Variants in CAPSL observed in about 807,000 individuals in gnomAD.
CAPSL encodes the protein calcyphosine like.
A neutral mutation model predicts 21.3 loss-of-function variants in CAPSL; 17 were observed. The observed-to-expected ratio is 0.80, with a 90% CI of 0.55 to 1.20. The LOEUF is 1.20. CAPSL is among the 50% of genes most tolerant of loss of function. The pLI, the probability that CAPSL is intolerant of heterozygous loss-of-function variation, is 0.00. For missense variants in CAPSL, 289 were observed against 259.3 expected (o/e 1.11, Z -0.79); for synonymous variants, 102 against 89.3 (o/e 1.14, Z -0.80).
intron 1 of CAPSL, among the ~76,000 whole-genome samples, chr5:35,930,122 G>A (rs148338085): frequency 5.9e-5 from 9 of 152,184 alleles, no homozygotes; most frequent in African/African-American, 1.9e-4. Flanking sequence ...CATAAAGTAT[G>A]ACGGCATTTC....
intron 1 of CAPSL, among the ~76,000 whole-genome samples, chr5:35,934,827 A>C (rs1580899369): frequency 6.6e-6 from 1 of 152,146 alleles, no homozygotes; most frequent in South Asian, 2.1e-4. Context: ...GTCCTTCATT[A>C]AACTCTTTTC....
intron 1 of CAPSL, among the ~76,000 whole-genome samples, chr5:35,934,012 G>T (rs1311182125): frequency 6.6e-6 from 1 of 152,192 alleles, no homozygotes; most frequent in Non-Finnish European, 1.5e-5. Context: ...CATTTCTACA[G>T]TTCAGTGTCT....
chr5:35,904,540 T>C lies in CAPSL; in HGVS notation c.*5A>G, dbSNP rs1467260219. 2 of 1,610,506 alleles carry C rather than the reference T, an allele frequency of 1.2e-6. No homozygotes were observed. Among genetic ancestry groups the C allele is most frequent in the Non-Finnish European group, 1.7e-6 (2 of 1,177,120 alleles). ...GTCCCAGGGCCTGGTCCCCAGGTCA[T>C]GTGCTTAAAGCTTCCAGGCGGTTCT... On this transcript the variant is annotated 3_prime_UTR_variant, in exon 5 of 5. Coordinates refer to ENST00000651391, the MANE Select transcript of CAPSL (RefSeq NM_001042625.2).
At chr5:35,918,825 T>G (rs969808287) in intron 2 of CAPSL, among the ~76,000 whole-genome samples, 2 of 151,950 alleles carry the variant, frequency 1.3e-5, no homozygotes, top group African/African-American at 4.8e-5. Context: ...ACTGAAAACT[T>G]AGGAGCAAAG....
intron 2 of CAPSL, among the ~76,000 whole-genome samples, chr5:35,917,536 A>C (rs1580886412): frequency 6.6e-6 from 1 of 152,200 alleles, no homozygotes; most frequent in Non-Finnish European, 1.5e-5. Flanking sequence ...CTATGCAGCC[A>C]TAAAAAATGA....
rs369336984 is a variant in CAPSL at position 35,910,728 on chromosome 5, A to T, written c.138-185T>A. Among the ~76,000 whole-genome samples, 4 of 152,234 alleles carry T rather than the reference A, an allele frequency of 2.6e-5. No individual in the cohort carries two copies. In the East Asian group the frequency reaches 5.8e-4, roughly 22 times the overall value. On this transcript the variant is annotated intron_variant, in intron 2 of 4. Coordinates refer to ENST00000651391, the MANE Select transcript of CAPSL (RefSeq NM_001042625.2). The stretch of plus-strand genomic sequence containing the variant: ...CCACCACACACACACAAACACACAC[A>T]CAAAGTATAATTCTAATTACATGAC...
At chr5:35,919,032 C>T (rs967731301) in intron 2 of CAPSL, among the ~76,000 whole-genome samples, 7 of 151,224 alleles carry the variant, frequency 4.6e-5, no homozygotes, top group Admixed American at 2.0e-4. Flanking sequence ...CTGTTAAAAC[C>T]GTAGGGGCTG....
intron 2 of CAPSL, among the ~76,000 whole-genome samples, chr5:35,915,347 C>T (rs946287084): frequency 6.6e-6 from 1 of 152,170 alleles, no homozygotes; most frequent in Non-Finnish European, 1.5e-5. Context: ...GCAATCCTCC[C>T]TAATTTATTT....
intron 2 of CAPSL, among the ~76,000 whole-genome samples, chr5:35,914,929 TTTGAAAAGA>T (rs1738332561): frequency 6.6e-6 from 1 of 152,134 alleles, no homozygotes; most frequent in Non-Finnish European, 1.5e-5. Context: ...GAGCTGGTTA[TTTGAAAAGA>T]TCAACAAAAT....
chr5:35,926,565 A>T (rs1331300318), intron 1 of CAPSL, among the ~76,000 whole-genome samples: 2 of 152,204 alleles, frequency 1.3e-5, no homozygotes, highest in Non-Finnish European at 2.9e-5. Flanking sequence ...TAAGGTTCAG[A>T]GACAGATTTA....
intron 1 of CAPSL, among the ~76,000 whole-genome samples, chr5:35,933,484 A>C (rs1272104664): frequency 6.6e-6 from 1 of 152,164 alleles, no homozygotes; most frequent in African/African-American, 2.4e-5. Context: ...TAAATTATCC[A>C]CAACATCTCA....
intron 1 of CAPSL, among the ~76,000 whole-genome samples, chr5:35,923,954 C>T (rs1250772055): frequency 1.3e-5 from 2 of 151,954 alleles, no homozygotes; most frequent in Non-Finnish European, 2.9e-5. Context: ...AGTCATTCCA[C>T]AATTATACAT....
intron 1 of CAPSL, among the ~76,000 whole-genome samples, chr5:35,928,355 G>T (rs1343048939): frequency 6.6e-6 from 1 of 152,168 alleles, no homozygotes; most frequent in Admixed American, 6.5e-5. Flanking sequence ...CTAGCAGGCG[G>T]CTAGGAAGTG....
At chr5:35,914,797 G>T (rs1172665004) in intron 2 of CAPSL, among the ~76,000 whole-genome samples, 4 of 152,148 alleles carry the variant, frequency 2.6e-5, no homozygotes, top group Non-Finnish European at 4.4e-5. Flanking sequence ...ACAATTAAAA[G>T]AACTAGAGAA....
intron 1 of CAPSL, among the ~76,000 whole-genome samples, chr5:35,922,038 G>A (rs860414): frequency 0.18 from 27,487 of 150,094 alleles, 3,347 homozygotes; most frequent in East Asian, 0.51. Context: ...CAAGAGGCTC[G>A]AAGGATGTGC....
At chr5:35,906,265 C>A (rs1760676925) in intron 4 of CAPSL, among the ~76,000 whole-genome samples, 1 of 152,110 alleles carries the variant, frequency 6.6e-6, no homozygotes, top group Non-Finnish European at 1.5e-5. Context: ...GAATGAGACT[C>A]CCTCCACATC....
In CAPSL at chr5:35,910,469, T is replaced by A. The variant is rs781376073; in HGVS notation, c.212A>T (p.Tyr71Phe). 3 of 1,613,324 alleles carry A rather than the reference T, an allele frequency of 1.9e-6. No individual in the cohort carries two copies. The highest frequency in any genetic ancestry group is 1.1e-5 in the South Asian group (1 of 91,052). Residue 71 changes from tyrosine (Y) to phenylalanine (F), a missense_variant, in exon 3 of 5, where the codon TAT becomes TTT. Physicochemically the swap from Tyr to Phe is conservative, Grantham distance 22 (BLOSUM62 3). Coordinates refer to ENST00000651391, the MANE Select transcript of CAPSL (RefSeq NM_001042625.2). ...CTCTTCTTTTTCCATGACCACAGCATAATCATTTAACCCTTTCATAAATTC... is the reference window on the plus strand; with the variant it reads ...CTCTTCTTTTTCCATGACCACAGCAAAATCATTTAACCCTTTCATAAATTC... ...FKEFMKGLND[Y>F]AVVMEKEEVE...
chr5:35,937,595 C>G (rs1738984072), intron 1 of CAPSL, among the ~76,000 whole-genome samples: 1 of 152,154 alleles, frequency 6.6e-6, no homozygotes, highest in Non-Finnish European at 1.5e-5. Flanking sequence ...ACTTGCCCTG[C>G]TAGACAGACT....
At chr5:35,928,632 G>A (rs1225950998) in intron 1 of CAPSL, among the ~76,000 whole-genome samples, 1 of 152,304 alleles carries the variant, frequency 6.6e-6, no homozygotes, top group East Asian at 1.9e-4. Flanking sequence ...CCACCCCCAG[G>A]AGACATTTGA....
Sources: gnomAD v4.1 joint callset for allele counts (sites outside exome capture counted in the v4.1 genomes callset) on GRCh38, gnomAD v4.1.1 for gene constraint, MANE v1.5 for transcripts, NCBI Gene and HGNC (gene_info 2026-07-23, HGNC 2026-07-21) for gene names.